The following FBXL20 variants were observed in gnomAD, a reference collection of about 807,000 sequenced individuals.
FBXL20 encodes the protein F-box and leucine rich repeat protein 20.
In FBXL20, 11 loss-of-function variants were observed where a neutral mutation model predicts 64.0. That is an observed-to-expected ratio of 0.17 (90% CI 0.11 to 0.28). The LOEUF (loss-of-function observed/expected upper bound fraction) is 0.28. Ranked by LOEUF, FBXL20 falls within the 10% of genes least tolerant of loss-of-function variation. The probability of loss-of-function intolerance (pLI) is 1.00; values close to 1 mark genes in which losing one functional copy is unlikely to be tolerated. For missense variants in FBXL20, 303 were observed against 526.2 expected, an observed-to-expected ratio of 0.58 and a Z score of 4.15; for synonymous variants, 184 against 189.0, an observed-to-expected ratio of 0.97 and a Z score of 0.22.
chr17:39,374,286 T>C (rs1440763960), intron 1 of FBXL20, among the ~76,000 whole-genome samples: 2 of 152,030 alleles, frequency 1.3e-5, no homozygotes, highest in Middle Eastern at 3.4e-3. Context: ...CCTAGCACTT[T>C]GGGAGGCCAA....
intron 2 of FBXL20, among the ~76,000 whole-genome samples, chr17:39,306,942 AG>A (rs2144469031): frequency 6.6e-6 from 1 of 152,344 alleles, no homozygotes; most frequent in Admixed American, 6.5e-5. Context: ...GACACCAGCA[AG>A]GGACAGGAAA....
Position 39,253,382 on chromosome 17 carries a change from G to A in FBXL20, c.*8078C>T, listed in dbSNP as rs1018128194. On this transcript the variant is annotated 3_prime_UTR_variant, in exon 15 of 15. Transcript: ENST00000264658. Reference sequence around the variant, plus strand: ...AACAATTCCTAGGAGAAAAAAGGAGGAGGCCAGAGTAGGAAGCATCTGAAG... The same window carrying A: ...AACAATTCCTAGGAGAAAAAAGGAGAAGGCCAGAGTAGGAAGCATCTGAAG... 4.6e-5 allele frequency: 7 copies of A among 152,354 alleles called. No individual in the cohort carries two copies. Among genetic ancestry groups the A allele is most frequent in the African/African-American group, 1.7e-4 (7 of 41,436 alleles). 9.4% of individuals were successfully genotyped at this position (152,354 alleles called of 1,614,324 possible). A position where few individuals can be genotyped will look rare whatever the true frequency, so the allele number is the denominator to read the frequency against.
intron 2 of FBXL20, among the ~76,000 whole-genome samples, chr17:39,331,674 A>G (rs1460209549): frequency 6.6e-6 from 1 of 152,190 alleles, no homozygotes; most frequent in Admixed American, 6.5e-5. Context: ...CACTCAACAA[A>G]TGTTTGTATC....
rs2047044488 is a variant in FBXL20, at chr17:39,292,073, A to G, written c.398+5054T>C. On this transcript the variant is annotated intron_variant, in intron 6 of 14. Transcript: ENST00000264658. ...TTGAATATTCCAAATGTACTTGAAG[A>G]GAATGTTTATTCTGATGCTTTTTGG... 1.3e-5 allele frequency among the ~76,000 whole-genome samples: 2 copies of G among 150,782 alleles called. 1 individual carries two copies. The highest frequency in any genetic ancestry group is 2.9e-5 in the Non-Finnish European group (2 of 67,950).
At chr17:39,300,126 A>G (rs1392565765) in intron 4 of FBXL20, among the ~76,000 whole-genome samples, 4 of 152,212 alleles carry the variant, frequency 2.6e-5, no homozygotes, top group African/African-American at 4.8e-5. Context: ...AGCTTGCTGA[A>G]TAATTCTGTG....
intron 1 of FBXL20, among the ~76,000 whole-genome samples, chr17:39,351,048 C>G (rs1190364942): frequency 6.6e-6 from 1 of 151,952 alleles, no homozygotes; most frequent in Non-Finnish European, 1.5e-5. Context: ...AGAAAATAAT[C>G]CTAAAGCCAA....
At chr17:39,301,314 A>G (rs2047132809) in intron 3 of FBXL20, among the ~76,000 whole-genome samples, 2 of 152,278 alleles carry the variant, frequency 1.3e-5, no homozygotes, top group South Asian at 4.1e-4. Flanking sequence ...ATCTTAGGCC[A>G]GGCATGGTGA....
chr17:39,295,611 TG>T (rs2047076810), intron 6 of FBXL20, among the ~76,000 whole-genome samples: 1 of 152,106 alleles, frequency 6.6e-6, no homozygotes, highest in African/African-American at 2.4e-5. Flanking sequence ...ACTTAATTTT[TG>T]TTTGAATTAT....
chr17:39,309,807 A>G (rs1178009603), intron 2 of FBXL20, among the ~76,000 whole-genome samples: 2 of 150,768 alleles, frequency 1.3e-5, no homozygotes, highest in East Asian at 1.9e-4. Context: ...AAAAAAAAAG[A>G]AAAGAAAAAT....
At position 39,392,848 on chromosome 17, in the gene FBXL20, A is replaced by C. The variant is rs563257488; in HGVS notation, c.42+8513T>G. ...ACCAACACGGTGAAATCCCATCTCT[A>C]CAAAAAAATGTAAAATTTGCCGGGG... On this transcript the variant is annotated intron_variant, in intron 1 of 14. Coordinates refer to ENST00000264658, the MANE Select transcript of FBXL20 (RefSeq NM_032875.3). 2.6e-5 allele frequency among the ~76,000 whole-genome samples: 4 copies of C among 152,080 alleles called. No homozygotes were observed. In the South Asian group the frequency reaches 6.2e-4, roughly 24 times the overall value.
chr17:39,282,082 C>T (rs2046954594), intron 8 of FBXL20, among the ~76,000 whole-genome samples: 1 of 152,110 alleles, frequency 6.6e-6, no homozygotes, highest in Admixed American at 6.6e-5. Context: ...AGAATCAGGG[C>T]ACTTTTAATG....
At chr17:39,349,922 C>T (rs1430193515) in intron 1 of FBXL20, among the ~76,000 whole-genome samples, 6 of 143,536 alleles carry the variant, frequency 4.2e-5, no homozygotes, top group African/African-American at 1.3e-4. Flanking sequence ...GGCTAAAGAG[C>T]GAGACTCCGT....
In FBXL20 at chr17:39,259,488, A is replaced by G. The variant is rs1489734707; in HGVS notation, c.*1972T>C. The stretch of plus-strand genomic sequence containing the variant: ...TAGAAATTTTCTTCTTATGCTTTAA[A>G]AACTCATTTTACTTCCTTTATCCTC... On this transcript the variant is annotated 3_prime_UTR_variant, in exon 15 of 15. Coordinates refer to ENST00000264658, the MANE Select transcript of FBXL20 (RefSeq NM_032875.3). 6.6e-6 allele frequency: 1 copy of G among 152,082 alleles called. No homozygotes were observed. Among genetic ancestry groups the G allele is most frequent in the African/African-American group, 2.4e-5 (1 of 41,408 alleles). The allele number at this position is 152,082 out of a possible 1,614,324, so 9.4% of individuals were successfully genotyped here.
chr17:39,391,812 C>CTT (rs937026476), intron 1 of FBXL20, among the ~76,000 whole-genome samples: 1 of 151,862 alleles, frequency 6.6e-6, no homozygotes, highest in Non-Finnish European at 1.5e-5. Context: ...TCCCTTCTCC[C>CTT]TTTCTTTTTC....
intron 14 of FBXL20, among the ~76,000 whole-genome samples, chr17:39,262,421 C>T (rs1285378284): frequency 6.6e-6 from 1 of 152,012 alleles, no homozygotes; most frequent in Non-Finnish European, 1.5e-5. Flanking sequence ...GCTGGGATTA[C>T]AGGCACCTGC....
chr17:39,357,112 A>G (rs1205617837), intron 1 of FBXL20, among the ~76,000 whole-genome samples: 2 of 151,632 alleles, frequency 1.3e-5, no homozygotes, highest in Non-Finnish European at 2.9e-5. Context: ...CGTCTCTACT[A>G]AAAATACAAA....
intron 2 of FBXL20, among the ~76,000 whole-genome samples, chr17:39,337,635 G>A (rs889922506): frequency 8.7e-5 from 13 of 149,426 alleles, no homozygotes; most frequent in Middle Eastern, 3.8e-3. Flanking sequence ...CTGCCCGGCC[G>A]CCCCGTCTGA....
intron 1 of FBXL20, among the ~76,000 whole-genome samples, chr17:39,357,427 G>A: frequency 6.6e-6 from 1 of 152,006 alleles, no homozygotes; most frequent in Non-Finnish European, 1.5e-5. Context: ...ACAATTCACT[G>A]TCACTGTTAG....
chr17:39,390,284 C>T (rs559743608), intron 1 of FBXL20, among the ~76,000 whole-genome samples: 2 of 152,044 alleles, frequency 1.3e-5, no homozygotes, highest in African/African-American at 4.8e-5. Flanking sequence ...TGGCCAGACG[C>T]GGTGGCTCAC....
Sources: allele counts gnomAD v4.1 joint callset (sites outside exome capture counted in the v4.1 genomes callset), GRCh38; gene constraint gnomAD v4.1.1; transcripts MANE v1.5; gene names NCBI Gene and HGNC (gene_info 2026-07-23, HGNC 2026-07-21).